The following KCNH5 variants were observed in gnomAD, a reference collection of about 807,000 sequenced individuals.
KCNH5 encodes the protein voltage-gated delayed rectifier potassium channel KCNH5.
A neutral mutation model predicts 96.1 loss-of-function variants in KCNH5; 46 were observed. That is an observed-to-expected ratio of 0.48 (90% confidence interval 0.38 to 0.61). The LOEUF (loss-of-function observed/expected upper bound fraction) is 0.61. Ranked by LOEUF, KCNH5 falls within the 20% of genes least tolerant of loss-of-function variation. The pLI is 0.00. For synonymous variants in KCNH5, 439 were observed against 449.8 expected (o/e 0.98, Z 0.30); for missense variants, 907 against 1,225.8 (o/e 0.74, Z 3.88).
intron 10 of KCNH5, among the ~76,000 whole-genome samples, chr14:62,721,004 G>A (rs975872851): frequency 1.3e-5 from 2 of 152,202 alleles, no homozygotes; most frequent in African/African-American, 2.4e-5. Context: ...CTGGTCTATA[G>A]CAGTGATGAA....
At chr14:62,919,838 T>C (rs1889347274) in intron 7 of KCNH5, among the ~76,000 whole-genome samples, 1 of 151,938 alleles carries the variant, frequency 6.6e-6, no homozygotes, top group Admixed American at 6.6e-5. Flanking sequence ...GACAGTCAAA[T>C]AGTCTACTGA....
intron 2 of KCNH5, among the ~76,000 whole-genome samples, chr14:63,009,719 T>C (rs948630313): frequency 5.3e-5 from 8 of 152,190 alleles, no homozygotes; most frequent in Non-Finnish European, 8.8e-5. Context: ...CAAGCCATAC[T>C]GATAAATCAA....
intron 1 of KCNH5, among the ~76,000 whole-genome samples, chr14:63,041,465 T>G (rs907672860): frequency 1.3e-5 from 2 of 152,162 alleles, no homozygotes; most frequent in African/African-American, 4.8e-5. Flanking sequence ...CATAGTCCTC[T>G]AAACCTTCCC....
intron 6 of KCNH5, among the ~76,000 whole-genome samples, chr14:62,980,645 C>T (rs1890588136): frequency 6.6e-6 from 1 of 152,110 alleles, no homozygotes; most frequent in South Asian, 2.1e-4. Context: ...TTCTTCCATC[C>T]ACAAACTCCA....
At chr14:62,709,572 T>C (rs1272125693) in intron 10 of KCNH5, among the ~76,000 whole-genome samples, 6 of 152,202 alleles carry the variant, frequency 3.9e-5, no homozygotes, top group Non-Finnish European at 7.3e-5. Flanking sequence ...GAGGTTGAAC[T>C]CTTCAATTTC....
At chr14:62,847,792 G>T (rs1442965281) in intron 8 of KCNH5, among the ~76,000 whole-genome samples, 1 of 152,186 alleles carries the variant, frequency 6.6e-6, no homozygotes, top group East Asian at 1.9e-4. Flanking sequence ...TTCTTTAACT[G>T]CAAATGAACA....
intron 6 of KCNH5, among the ~76,000 whole-genome samples, chr14:62,960,536 T>G (rs374434510): frequency 2.6e-5 from 4 of 152,164 alleles, no homozygotes; most frequent in South Asian, 4.1e-4. Flanking sequence ...TAGTACCATA[T>G]CAGGCAACTG....
In KCNH5 at chr14:62,707,270, A is replaced by G. The variant is rs775116893; in HGVS notation, c.*238T>C. On this transcript the variant is annotated 3_prime_UTR_variant, in exon 11 of 11. Coordinates refer to ENST00000322893, the MANE Select transcript of KCNH5 (RefSeq NM_139318.5). The stretch of plus-strand genomic sequence containing the variant: ...ACTCTTTTATTATAGAATAGAGATT[A>G]TAAATAAATGTAAAGTGTGCATGCA... 3 of 241,770 alleles carry G rather than the reference A, an allele frequency of 1.2e-5. No homozygotes were observed. The highest frequency in any genetic ancestry group is 2.3e-5 in the Non-Finnish European group (3 of 129,486). 15.0% of individuals were successfully genotyped at this position (241,770 alleles called of 1,614,324 possible). A position where few individuals can be genotyped will look rare whatever the true frequency, so the allele number is the denominator to read the frequency against.
intron 7 of KCNH5, 54 bp downstream of exon 7, chr14:62,950,079 G>T: frequency 6.7e-7 from 1 of 1,490,814 alleles, no homozygotes. Flanking sequence ...TGAGATTGTA[G>T]CCAGGAAAAT....
intron 10 of KCNH5, among the ~76,000 whole-genome samples, chr14:62,771,450 C>A (rs905488826): frequency 1.5e-4 from 23 of 152,128 alleles, no homozygotes; most frequent in Non-Finnish European, 2.6e-4. Flanking sequence ...CATGGTGAAA[C>A]CCCGTCTCTA....
At chr14:62,796,219 A>G (rs1299034135) in intron 9 of KCNH5, among the ~76,000 whole-genome samples, 1 of 152,170 alleles carries the variant, frequency 6.6e-6, no homozygotes, top group Non-Finnish European at 1.5e-5. Flanking sequence ...GTTGAAGCTG[A>G]TGATAGATTT....
intron 1 of KCNH5, among the ~76,000 whole-genome samples, chr14:63,019,328 T>C (rs1343817939): frequency 1.3e-5 from 2 of 152,066 alleles, no homozygotes; most frequent in Non-Finnish European, 2.9e-5. Flanking sequence ...ACAGGCTTTT[T>C]TGAGGAAATT....
At chr14:62,788,998 A>G (rs1352895769) in intron 9 of KCNH5, among the ~76,000 whole-genome samples, 1 of 152,076 alleles carries the variant, frequency 6.6e-6, no homozygotes, top group Non-Finnish European at 1.5e-5. Flanking sequence ...TATTAGCTAT[A>G]GTCTTCATCT....
intron 7 of KCNH5, among the ~76,000 whole-genome samples, chr14:62,914,293 C>T (rs779487926): frequency 7.9e-5 from 12 of 152,038 alleles, no homozygotes; most frequent in South Asian, 2.1e-4. Flanking sequence ...CTGGAAGCCC[C>T]AAAGCCACCC....
chr14:62,781,327 C>T (rs996291351), intron 9 of KCNH5, among the ~76,000 whole-genome samples: 2 of 152,120 alleles, frequency 1.3e-5, no homozygotes, highest in Non-Finnish European at 2.9e-5. Context: ...GATCACAGGA[C>T]CACAGGACTG....
chr14:63,005,314 C>G (rs1272357822), intron 3 of KCNH5, among the ~76,000 whole-genome samples: 3 of 152,296 alleles, frequency 2.0e-5, no homozygotes, highest in Admixed American at 2.0e-4. Flanking sequence ...CGCTGTTATT[C>G]CTTTGTTAGT....
intron 7 of KCNH5, among the ~76,000 whole-genome samples, chr14:62,871,030 A>G (rs1888243514): frequency 6.6e-6 from 1 of 152,226 alleles, no homozygotes; most frequent in Non-Finnish European, 1.5e-5. Context: ...CTCTGTTTAT[A>G]TAACATATCA....
At chr14:63,028,469 A>G (rs1028834782) in intron 1 of KCNH5, among the ~76,000 whole-genome samples, 1 of 152,180 alleles carries the variant, frequency 6.6e-6, no homozygotes, top group Non-Finnish European at 1.5e-5. Flanking sequence ...ATCACTCATC[A>G]GGCAATAAGT....
intron 10 of KCNH5, among the ~76,000 whole-genome samples, chr14:62,764,187 C>T (rs1156600731): frequency 6.6e-6 from 1 of 152,088 alleles, no homozygotes; most frequent in Non-Finnish European, 1.5e-5. Context: ...ACAATCAAGC[C>T]TTCATTCCTG....
Sources: allele counts gnomAD v4.1 joint callset (sites outside exome capture counted in the v4.1 genomes callset), GRCh38; gene constraint gnomAD v4.1.1; transcripts MANE v1.5; gene names NCBI Gene and HGNC (gene_info 2026-07-23, HGNC 2026-07-21).